WWOX: variants seen among roughly 807,000 people sequenced by gnomAD.
WWOX encodes WW domain-containing oxidoreductase.
A neutral mutation model predicts 46.2 loss-of-function variants in WWOX; 69 were observed. The observed-to-expected ratio is 1.49, with a 90% CI of 1.23 to 1.82. The LOEUF (loss-of-function observed/expected upper bound fraction) is 1.82, where lower values mean the gene tolerates loss of function less well. WWOX is among the 40% of genes most tolerant of loss of function. WWOX has a pLI of 0.00. For synonymous variants in WWOX, 359 were observed against 202.6 expected, an observed-to-expected ratio of 1.77 and a Z score of -6.56; for missense variants, 919 against 542.6, an observed-to-expected ratio of 1.69 and a Z score of -6.89.
chr16:78,750,068 A>G (rs745770974), intron 8 of WWOX, among the ~76,000 whole-genome samples: 1 of 152,236 alleles, frequency 6.6e-6, no homozygotes, highest in African/African-American at 2.4e-5. Flanking sequence ...ATAAGACAGC[A>G]TATGGAAGGC....
intron 8 of WWOX, among the ~76,000 whole-genome samples, chr16:78,999,354 C>T (rs1208447670): frequency 6.6e-6 from 1 of 152,110 alleles, no homozygotes; most frequent in Non-Finnish European, 1.5e-5. Flanking sequence ...CCTGTAATCC[C>T]AGCTACTCGA....
rs556100733 is a variant in WWOX at position 78,213,638 on chromosome 16, C to G, written c.516+49349C>G. Among the ~76,000 whole-genome samples the G allele has an allele frequency of 3.3e-5, 5 of 152,060 alleles. No homozygotes were observed. In the East Asian group the frequency reaches 7.8e-4, roughly 24 times the overall value. ...AAGAACTTACAGATTAAAAAAAGAA[C>G]TGGCATAGCACCTAGATTTTAAACA... On this transcript the variant is annotated intron_variant, in intron 5 of 8. Coordinates refer to ENST00000566780, the MANE Select transcript of WWOX (RefSeq NM_016373.4).
At chr16:78,395,892 C>A (rs563050210) in intron 6 of WWOX, among the ~76,000 whole-genome samples, 2 of 152,262 alleles carry the variant, frequency 1.3e-5, no homozygotes, top group South Asian at 2.1e-4. Context: ...TTTGACATGA[C>A]TATGTCTGTT....
chr16:79,129,673 A>G (rs574764038), intron 8 of WWOX, among the ~76,000 whole-genome samples: 18 of 152,256 alleles, frequency 1.2e-4, no homozygotes, highest in African/African-American at 4.3e-4. Flanking sequence ...ACATTCCTTT[A>G]TGGACTGCAT....
intron 5 of WWOX, among the ~76,000 whole-genome samples, chr16:78,234,255 A>C (rs1034710030): frequency 1.3e-5 from 2 of 152,188 alleles, no homozygotes; most frequent in African/African-American, 4.8e-5. Context: ...TCTAATCCCT[A>C]AATTTTCCAG....
chr16:78,992,432 A>G (rs917850487), intron 8 of WWOX, among the ~76,000 whole-genome samples: 2 of 152,146 alleles, frequency 1.3e-5, no homozygotes, highest in Non-Finnish European at 1.5e-5. Context: ...GCGCCTCTGC[A>G]CTCCAGCCTG....
chr16:78,618,774 G>C (rs1597356222), intron 8 of WWOX, among the ~76,000 whole-genome samples: 1 of 151,852 alleles, frequency 6.6e-6, no homozygotes, highest in African/African-American at 2.4e-5. Context: ...TGAGACCTGA[G>C]AGGAGGAGAA....
chr16:78,669,702 G>C (rs1261862056), intron 8 of WWOX, among the ~76,000 whole-genome samples: 3 of 152,206 alleles, frequency 2.0e-5, no homozygotes, highest in African/African-American at 7.2e-5. Context: ...CTAAAAACTA[G>C]TTACAGTTCA....
chr16:78,329,779 C>T (rs1436515785), intron 5 of WWOX, among the ~76,000 whole-genome samples: 5 of 148,232 alleles, frequency 3.4e-5, no homozygotes, highest in African/African-American at 1.0e-4. Context: ...CAGGGCCTTG[C>T]TTTGTCACCC....
chr16:79,049,326 G>T (rs1162855970), intron 8 of WWOX, among the ~76,000 whole-genome samples: 1 of 152,192 alleles, frequency 6.6e-6, no homozygotes, highest in East Asian at 1.9e-4. Flanking sequence ...GCACGTGCCC[G>T]CTCTTTCACA....
At chr16:79,033,019 A>G (rs955905528) in intron 8 of WWOX, among the ~76,000 whole-genome samples, 4 of 151,346 alleles carry the variant, frequency 2.6e-5, no homozygotes, top group African/African-American at 9.7e-5. Flanking sequence ...AACATATGGT[A>G]TTTGCATTTT....
chr16:79,044,206 A>G (rs1019209235), intron 8 of WWOX, among the ~76,000 whole-genome samples: 2 of 152,200 alleles, frequency 1.3e-5, no homozygotes, highest in African/African-American at 4.8e-5. Context: ...GTAGGCATTC[A>G]ACAAACGCTC....
chr16:79,083,315 C>T lies in WWOX; in HGVS notation c.1057-128293C>T, dbSNP rs80088780. Among the ~76,000 whole-genome samples the T allele has an allele frequency of 4.8e-3, 731 of 152,226 alleles. 5 individuals are homozygous for T. Among genetic ancestry groups the T allele is most frequent in the Non-Finnish European group, 7.7e-3 (523 of 68,002 alleles). ...TATTAAGAGCCAGTGTGTGGTTCACCCTGACCCCTTCCTATGCCCCAGCAA... is the reference window on the plus strand; with the variant it reads ...TATTAAGAGCCAGTGTGTGGTTCACTCTGACCCCTTCCTATGCCCCAGCAA... On this transcript the variant is annotated intron_variant, in intron 8 of 8. Transcript: ENST00000566780.
At chr16:78,193,047 A>G (rs2151765606) in intron 5 of WWOX, among the ~76,000 whole-genome samples, 1 of 152,322 alleles carries the variant, frequency 6.6e-6, no homozygotes, top group East Asian at 1.9e-4. Context: ...TCAGCTTCTC[A>G]CAGCGTCTCC....
chr16:78,563,425 A>G (rs970489818), intron 8 of WWOX, among the ~76,000 whole-genome samples: 3 of 152,032 alleles, frequency 2.0e-5, no homozygotes, highest in South Asian at 2.1e-4. Flanking sequence ...AAATTGAACA[A>G]TAACAACGTA....
At chr16:79,012,537 A>T (rs2151377735) in intron 8 of WWOX, among the ~76,000 whole-genome samples, 1 of 152,342 alleles carries the variant, frequency 6.6e-6, no homozygotes, top group African/African-American at 2.4e-5. Flanking sequence ...GCAGACGGAC[A>T]TATGAATTTT....
chr16:78,806,120 C>A (rs936621832), intron 8 of WWOX, among the ~76,000 whole-genome samples: 1 of 152,136 alleles, frequency 6.6e-6, no homozygotes, highest in East Asian at 1.9e-4. Context: ...ATTCATTAGG[C>A]TGTCTGTTTT....
intron 8 of WWOX, among the ~76,000 whole-genome samples, chr16:79,150,333 G>C (rs1011342760): frequency 6.6e-6 from 1 of 152,174 alleles, no homozygotes; most frequent in Admixed American, 6.5e-5. Flanking sequence ...TCATGCATCA[G>C]GAACTTGGAG....
chr16:78,118,871 C>A (rs554115339), intron 4 of WWOX: 4 of 151,792 alleles, frequency 2.6e-5, no homozygotes, highest in East Asian at 1.9e-4. Context: ...GAAACCCCCG[C>A]CTTTTTTTTA....
Sources: allele counts gnomAD v4.1 joint callset (sites outside exome capture counted in the v4.1 genomes callset), GRCh38; gene constraint gnomAD v4.1.1; transcripts MANE v1.5; gene names NCBI Gene and HGNC (gene_info 2026-07-23, HGNC 2026-07-21).